NOXA1: variants seen among roughly 807,000 people sequenced by gnomAD.
NOXA1 encodes NADPH oxidase activator 1.
NOXA1 carries 56 observed loss-of-function variants against 64.8 expected under a neutral mutation model. The observed-to-expected ratio is 0.86, with a 90% CI of 0.70 to 1.08. The LOEUF is 1.08. Ranked by LOEUF, NOXA1 falls within the 50% of genes least tolerant of loss-of-function variation. NOXA1 has a pLI of 0.00. For synonymous variants in NOXA1, 295 were observed against 294.8 expected (o/e 1.00, Z -0.01); for missense variants, 668 against 658.5 (o/e 1.01, Z -0.16).
At chr9:137,424,322 G>A (rs1440955825) in intron 1 of NOXA1, among the ~76,000 whole-genome samples, 3 of 152,324 alleles carry the variant, frequency 2.0e-5, no homozygotes, top group African/African-American at 7.2e-5. Flanking sequence ...GGGTCTCCAC[G>A]CCCCTGACTG....
At chr9:137,424,824 G>A (rs781162786) in intron 1 of NOXA1, among the ~76,000 whole-genome samples, 2 of 152,156 alleles carry the variant, frequency 1.3e-5, no homozygotes, top group African/African-American at 2.4e-5. Context: ...CCTATGTCCG[G>A]GGCTAACCCA....
intron 2 of NOXA1, 24 bp downstream of exon 2, chr9:137,426,354 C>T (rs1327966091): frequency 6.2e-7 from 1 of 1,603,952 alleles, no homozygotes; most frequent in African/African-American, 1.3e-5. Flanking sequence ...TGCCTTGTTC[C>T]TTCTCTGACG....
chr9:137,429,859 GGGT>G (rs1839017865), intron 5 of NOXA1, among the ~76,000 whole-genome samples: 2 of 102,402 alleles, frequency 2.0e-5, no homozygotes, highest in African/African-American at 8.0e-5. Flanking sequence ...CGGGGGGGGG[GGGT>G]CCCTGCGTCC....
chr9:137,434,112 C>T (rs749232273), intron 13 of NOXA1, 33 bp downstream of exon 13: 19 of 1,581,616 alleles, frequency 1.2e-5, no homozygotes, highest in South Asian at 4.4e-5. Context: ...CAGGCAGCAC[C>T]GTGGTGCCCG....
At position 137,433,016 on chromosome 9, in the gene NOXA1, GCTT is replaced by G; in HGVS notation, c.805-10_805-8del. ...GACCGCCCCAGCCCACCCAGCCTGT[GCTT>G]CTCTTGCAGAGGCCCCAGGTGGAGC... is the stretch of plus-strand genomic sequence containing the variant. On this transcript the variant is annotated splice_polypyrimidine_tract_variant and intron_variant, in intron 8 of 13. Coordinates refer to ENST00000683555, the MANE Select transcript of NOXA1 (RefSeq NM_001256067.2). 1.2e-6 allele frequency: 2 copies of G among 1,612,414 alleles called. No homozygotes were observed. The highest frequency in any genetic ancestry group is 1.7e-6 in the Non-Finnish European group (2 of 1,179,808).
Position 137,433,869 on chromosome 9 carries a change from G to A in NOXA1, c.1179+5G>A, listed in dbSNP as rs777686367. On this transcript the variant is annotated splice_donor_5th_base_variant and intron_variant, in intron 12 of 13. Transcript: ENST00000683555. ...GGGCTGCAGCTGCAGTGCAGGGTGA[G>A]CCAAGGGCGAGGCAGGGGCAGGGGC... is the stretch of plus-strand genomic sequence containing the variant. The A allele has an allele frequency of 2.0e-5, 29 of 1,466,426 alleles. No homozygotes were observed. Among genetic ancestry groups the A allele is most frequent in the Non-Finnish European group, 2.4e-5 (27 of 1,107,710 alleles). The allele number at this position is 1,466,426 out of a possible 1,614,324, so 90.8% of individuals were successfully genotyped here. A position where few individuals can be genotyped will look rare whatever the true frequency, so the allele number is the denominator to read the frequency against.
chr9:137,434,404 G>A lies in NOXA1; in HGVS notation c.*44G>A, dbSNP rs1839276621. On this transcript the variant is annotated 3_prime_UTR_variant, in exon 14 of 14. Transcript: ENST00000683555. The stretch of plus-strand genomic sequence containing the variant: ...GCTTTTAATAAAAACAACCCCCACT[G>A]CAGTCTCACCCTCCAAGTGGGTGTG... 1 of 1,526,730 alleles carries A rather than the reference G, an allele frequency of 6.5e-7. No individual in the cohort carries two copies. The highest frequency in any genetic ancestry group is 8.8e-7 in the Non-Finnish European group (1 of 1,136,830). The allele number at this position is 1,526,730 out of a possible 1,614,324, so 94.6% of individuals were successfully genotyped here.
intron 2 of NOXA1, among the ~76,000 whole-genome samples, chr9:137,427,062 G>A (rs188638887): frequency 2.4e-3 from 358 of 152,338 alleles, no homozygotes; most frequent in Non-Finnish European, 3.7e-3. Context: ...CTCCCAAAGT[G>A]CTGGGATTAC....
intron 5 of NOXA1, among the ~76,000 whole-genome samples, chr9:137,429,856 G>C (rs1474647179): frequency 2.8e-5 from 3 of 107,548 alleles, no homozygotes; most frequent in Non-Finnish European, 4.0e-5. Context: ...TCCCGGGGGG[G>C]GGGGGTCCCT....
Position 137,430,788 on chromosome 9 carries a change from T to C in NOXA1, c.617T>C (p.Val206Ala). 6.3e-7 allele frequency: 1 copy of C among 1,594,818 alleles called. No homozygotes were observed. The highest frequency in any genetic ancestry group is 8.5e-7 in the Non-Finnish European group (1 of 1,175,936). Reference protein sequence around the residue: ...PVDFLGKAKVVASAIPDDQGW... With the variant: ...PVDFLGKAKVAASAIPDDQGW... ...CGTCCCCACTGTCCCCGCCAGGTGG[T>C]GGCCTCTGCCATCCCCGACGACCAG... Residue 206 changes from valine to alanine, a missense_variant, in exon 6 of 14, where the codon GTG becomes GCG. Val to Ala is a moderately conservative substitution (Grantham distance 64). Transcript: ENST00000683555.
intron 1 of NOXA1, among the ~76,000 whole-genome samples, chr9:137,425,777 G>A (rs1838825343): frequency 6.6e-6 from 1 of 151,096 alleles, no homozygotes; most frequent in African/African-American, 2.4e-5. Context: ...GAGGTCAGGA[G>A]TTTGAGAATG....
rs573085275 is a variant in NOXA1 at position 137,430,924 on chromosome 9, T to A, written c.672+81T>A. 5.2e-6 allele frequency: 8 copies of A among 1,550,702 alleles called. No homozygotes were observed. The South Asian group carries it at 9.5e-5, about 18-fold the overall frequency. Reference sequence around the variant, plus strand: ...AAAATGCTGCACAAGCTCTGAGCCCTCCTGGGGCTGCGAAGTTCCTCTGAT... The same window carrying A: ...AAAATGCTGCACAAGCTCTGAGCCCACCTGGGGCTGCGAAGTTCCTCTGAT... On this transcript the variant is annotated intron_variant, in intron 6 of 13. Coordinates refer to ENST00000683555, the MANE Select transcript of NOXA1 (RefSeq NM_001256067.2).
At chr9:137,427,575 C>T (rs954102673) in intron 2 of NOXA1, among the ~76,000 whole-genome samples, 1 of 152,252 alleles carries the variant, frequency 6.6e-6, no homozygotes, top group African/African-American at 2.4e-5. Flanking sequence ...CCCTCTGGGG[C>T]AGCCTCTCCT....
At chr9:137,428,842 G>T (rs750851956) in intron 3 of NOXA1, 40 bp from the exon 4 acceptor site, 2 of 1,535,238 alleles carry the variant, frequency 1.3e-6, no homozygotes, top group African/African-American at 2.7e-5. Flanking sequence ...GGCCTGGGTG[G>T]GGCATCAGGC....
At chr9:137,423,819 G>A in intron 1 of NOXA1, 113 bp downstream of exon 1, 1 of 922,044 alleles carries the variant, frequency 1.1e-6, no homozygotes, top group Non-Finnish European at 1.4e-6. Context: ...CCCCGACCCA[G>A]CGAACGCCCC....
chr9:137,433,387 C>A, intron 10 of NOXA1, 66 bp from the exon 11 acceptor site: 1 of 1,527,282 alleles, frequency 6.5e-7, no homozygotes. Context: ...ACCCCTCGGG[C>A]TGAAGACGGC....
chr9:137,430,863 G>A lies in NOXA1; in HGVS notation c.672+20G>A, dbSNP rs966931460. 1.3e-6 allele frequency: 2 copies of A among 1,573,848 alleles called. No individual in the cohort carries two copies. Among genetic ancestry groups the A allele is most frequent in the Non-Finnish European group, 1.7e-6 (2 of 1,161,958 alleles). On this transcript the variant is annotated intron_variant, in intron 6 of 13. Transcript: ENST00000683555. ...CCACAGGTGGGTTTGCGGCCCCTCA[G>A]ACCCCTGCCTGGCCTCACCCAGCTT...
chr9:137,433,650 C>T (rs746977882), intron 11 of NOXA1, 43 bp downstream of exon 11: 43 of 1,523,686 alleles, frequency 2.8e-5, no homozygotes, highest in Non-Finnish European at 3.4e-5. Context: ...AGCTGGGCAC[C>T]GCCCCGACTG....
At chr9:137,428,362 A>G (rs13296446) in intron 3 of NOXA1, among the ~76,000 whole-genome samples, 133,402 of 152,058 alleles carry the variant, frequency 0.88, 58,608 homozygotes, top group East Asian at 0.97. Flanking sequence ...CTCCACCCAG[A>G]AGGAGGGCAG....
Sources: allele counts gnomAD v4.1 joint callset (sites outside exome capture counted in the v4.1 genomes callset), GRCh38; gene constraint gnomAD v4.1.1; transcripts MANE v1.5; gene names NCBI Gene and HGNC (gene_info 2026-07-23, HGNC 2026-07-21).